Variants in EYA1 observed in about 807,000 individuals in gnomAD.
EYA1 encodes EYA transcriptional coactivator and phosphatase 1, also known as protein phosphatase EYA1.
EYA1 carries 16 observed loss-of-function variants against 82.0 expected under a neutral mutation model. The observed-to-expected ratio is 0.20, with a 90% confidence interval of 0.13 to 0.30. The LOEUF (loss-of-function observed/expected upper bound fraction) is 0.30. Among genes scored for constraint, EYA1 ranks in the 10% least tolerant of loss-of-function variants. The probability of loss-of-function intolerance (pLI) is 1.00; values close to 1 mark genes in which losing one functional copy is unlikely to be tolerated. For missense variants in EYA1, 633 were observed against 730.7 expected (o/e 0.87, Z 1.54); for synonymous variants, 261 against 264.4 (o/e 0.99, Z 0.12).
rs574711534 is a variant in EYA1, at chr8:71,239,985, T to C, written c.1140+4618A>G. ...TTTCTTAACATTGGCGTAACTGATA[T>C]TTTACAGAAAGAATTTTTTCCTAGC... On this transcript the variant is annotated intron_variant, in intron 12 of 17. Coordinates refer to ENST00000340726, the MANE Select transcript of EYA1 (RefSeq NM_000503.6). Among the ~76,000 whole-genome samples the C allele has an allele frequency of 5.6e-4, 86 of 152,294 alleles. No individual in the cohort carries two copies. The South Asian group carries it at 0.016, about 28-fold the overall frequency.
At chr8:71,453,317 G>C (rs1426646785) in intron 2 of EYA1, among the ~76,000 whole-genome samples, 1 of 152,176 alleles carries the variant, frequency 6.6e-6, no homozygotes, top group East Asian at 1.9e-4. Context: ...TAGTGACGGG[G>C]AGAATGGAAC....
intron 9 of EYA1, among the ~76,000 whole-genome samples, chr8:71,280,127 G>GA (rs1817650608): frequency 6.6e-6 from 1 of 152,120 alleles, no homozygotes; most frequent in Non-Finnish European, 1.5e-5. Flanking sequence ...CCCAGGTCTG[G>GA]GTCCCTGGGC....
At chr8:71,398,942 C>T (rs1461104837) in intron 2 of EYA1, among the ~76,000 whole-genome samples, 3 of 152,226 alleles carry the variant, frequency 2.0e-5, no homozygotes, top group Non-Finnish European at 4.4e-5. Context: ...GTGGGCTCCA[C>T]CCAGTTCGAG....
At position 71,305,021 on chromosome 8, in the gene EYA1, G is replaced by A. The variant is rs1820575712; in HGVS notation, c.557-5301C>T. Among the ~76,000 whole-genome samples, 2 of 143,094 alleles carry A rather than the reference G, an allele frequency of 1.4e-5. 1 individual carries two copies. The highest frequency in any genetic ancestry group is 3.2e-5 in the Non-Finnish European group (2 of 62,862). 93.9% of individuals were successfully genotyped at this position (143,094 alleles called of 152,430 possible). A position where few individuals can be genotyped will look rare whatever the true frequency, so the allele number is the denominator to read the frequency against. Reference sequence around the variant, plus strand: ...ACACCAGGCTTGAACCTGGATGCTAGAGAGAGACAGGATAAGACATGACCA... The same window carrying A: ...ACACCAGGCTTGAACCTGGATGCTAAAGAGAGACAGGATAAGACATGACCA... On this transcript the variant is annotated intron_variant, in intron 7 of 17. Coordinates refer to ENST00000340726, the MANE Select transcript of EYA1 (RefSeq NM_000503.6).
intron 2 of EYA1, among the ~76,000 whole-genome samples, chr8:71,446,358 C>T (rs1806876242): frequency 6.6e-6 from 1 of 152,022 alleles, no homozygotes; most frequent in African/African-American, 2.4e-5. Flanking sequence ...GACAGTTCCG[C>T]CTTCACACGC....
At chr8:71,364,077 CAAATG>C (rs1308950285), upstream of EYA1, among the ~76,000 whole-genome samples, 1 of 151,388 alleles carries the variant, frequency 6.6e-6, no homozygotes, top group East Asian at 1.9e-4. Flanking sequence ...TTTATATAAC[CAAATG>C]AAATATTAAA....
intron 2 of EYA1, among the ~76,000 whole-genome samples, chr8:71,484,338 C>G (rs907994154): frequency 1.3e-5 from 2 of 152,128 alleles, no homozygotes; most frequent in African/African-American, 4.8e-5. Context: ...ATTACAGAAG[C>G]CTGAGGGTAA....
At chr8:71,228,586 T>C (rs1289942431) in intron 12 of EYA1, among the ~76,000 whole-genome samples, 1 of 152,236 alleles carries the variant, frequency 6.6e-6, no homozygotes, top group Non-Finnish European at 1.5e-5. Flanking sequence ...GAAAATATTA[T>C]GTATCATTAG....
chr8:71,426,274 G>A (rs1372606321), intron 2 of EYA1, among the ~76,000 whole-genome samples: 1 of 152,188 alleles, frequency 6.6e-6, no homozygotes, highest in African/African-American at 2.4e-5. Context: ...AACAAGCAAA[G>A]TAGAATTATC....
chr8:71,381,596 A>C (rs1009220997), intron 2 of EYA1, among the ~76,000 whole-genome samples: 3 of 152,212 alleles, frequency 2.0e-5, no homozygotes, highest in African/African-American at 7.2e-5. Context: ...TTTTTATCAG[A>C]GCTGGAAAAA....
At chr8:71,473,478 T>C (rs2129203625) in intron 2 of EYA1, among the ~76,000 whole-genome samples, 1 of 151,646 alleles carries the variant, frequency 6.6e-6, no homozygotes, top group African/African-American at 2.4e-5. Flanking sequence ...ATTAGAGAAA[T>C]GCAAATCAAA....
intron 11 of EYA1, among the ~76,000 whole-genome samples, chr8:71,247,560 C>T (rs1024108846): frequency 6.6e-6 from 1 of 152,096 alleles, no homozygotes; most frequent in African/African-American, 2.4e-5. Context: ...GAAATTGTCC[C>T]TTTTTAATAC....
chr8:71,311,243 G>A (rs1370123048), intron 7 of EYA1, among the ~76,000 whole-genome samples: 1 of 152,204 alleles, frequency 6.6e-6, no homozygotes, highest in East Asian at 1.9e-4. Flanking sequence ...TTGATTTCAA[G>A]TTAGTTGTTT....
chr8:71,316,717 G>C (rs1821966226), intron 7 of EYA1, among the ~76,000 whole-genome samples: 2 of 152,158 alleles, frequency 1.3e-5, no homozygotes, highest in Admixed American at 6.5e-5. Flanking sequence ...ATCAAAAAGA[G>C]ATCATCAGGG....
At chr8:71,222,417 C>T (rs1311576732) in intron 12 of EYA1, among the ~76,000 whole-genome samples, 4 of 152,180 alleles carry the variant, frequency 2.6e-5, no homozygotes, top group Non-Finnish European at 5.9e-5. Context: ...GCATCCAGCC[C>T]GCTGTTCCCA....
At chr8:71,237,592 A>T (rs1294987285) in intron 12 of EYA1, among the ~76,000 whole-genome samples, 1 of 152,208 alleles carries the variant, frequency 6.6e-6, no homozygotes, top group Non-Finnish European at 1.5e-5. Flanking sequence ...AAATAAAAAA[A>T]TAATAAAACC....
intron 12 of EYA1, among the ~76,000 whole-genome samples, chr8:71,237,577 A>G (rs1811996785): frequency 6.6e-6 from 1 of 152,202 alleles, no homozygotes; most frequent in Non-Finnish European, 1.5e-5. Context: ...CATACAGAAA[A>G]GCATAAATAA....
intron 2 of EYA1, among the ~76,000 whole-genome samples, chr8:71,520,966 A>C (rs1244768961): frequency 1.3e-5 from 2 of 152,160 alleles, no homozygotes; most frequent in African/African-American, 4.8e-5. Context: ...ATGAATCTCA[A>C]CAGGTAATTA....
At chr8:71,415,719 A>C (rs990892162) in intron 2 of EYA1, among the ~76,000 whole-genome samples, 3 of 152,188 alleles carry the variant, frequency 2.0e-5, no homozygotes, top group Non-Finnish European at 4.4e-5. Flanking sequence ...TATAGACACG[A>C]CTTGGCCCCA....
Sources: gnomAD v4.1 joint callset for allele counts (sites outside exome capture counted in the v4.1 genomes callset) on GRCh38, gnomAD v4.1.1 for gene constraint, MANE v1.5 for transcripts, NCBI Gene and HGNC (gene_info 2026-07-23, HGNC 2026-07-21) for gene names.